Variants in FSTL5 observed in about 807,000 individuals in gnomAD.
The protein encoded by FSTL5 is follistatin like 5, also known as follistatin-related protein 5.
FSTL5 carries 62 observed loss-of-function variants against 89.1 expected under a neutral mutation model. That is an observed-to-expected ratio of 0.70 (90% CI 0.57 to 0.86). The LOEUF (loss-of-function observed/expected upper bound fraction) is 0.86. Among genes scored for constraint, FSTL5 ranks in the 40% least tolerant of loss-of-function variants. The pLI, the probability that FSTL5 is intolerant of heterozygous loss-of-function variation, is 0.00. For missense variants in FSTL5, 1,057 were observed against 1,001.6 expected, an observed-to-expected ratio of 1.06 and a Z score of -0.75; for synonymous variants, 383 against 346.2, an observed-to-expected ratio of 1.11 and a Z score of -1.18.
intron 10 of FSTL5, among the ~76,000 whole-genome samples, chr4:161,534,589 C>T (rs1025651685): frequency 5.3e-5 from 8 of 151,872 alleles, no homozygotes; most frequent in East Asian, 1.9e-4. Flanking sequence ...CACAAATGAA[C>T]GGAAAAGTAT....
At chr4:161,888,873 A>C (rs1250552051) in intron 4 of FSTL5, among the ~76,000 whole-genome samples, 1 of 152,096 alleles carries the variant, frequency 6.6e-6, no homozygotes, top group Non-Finnish European at 1.5e-5. Flanking sequence ...TTATTAAAGA[A>C]TTAACTCAGG....
At chr4:161,526,879 G>A (rs569749082) in intron 10 of FSTL5, among the ~76,000 whole-genome samples, 21 of 152,266 alleles carry the variant, frequency 1.4e-4, no homozygotes, top group African/African-American at 3.6e-4. Context: ...GTCAGGTATC[G>A]TGATGGCTCC....
At chr4:161,457,255 T>C (rs1046931851) in intron 14 of FSTL5, among the ~76,000 whole-genome samples, 1 of 152,194 alleles carries the variant, frequency 6.6e-6, no homozygotes, top group African/African-American at 2.4e-5. Context: ...CTTATGTAAA[T>C]AAATCTTCTT....
intron 3 of FSTL5, among the ~76,000 whole-genome samples, chr4:161,952,892 A>T (rs1479708359): frequency 6.6e-6 from 1 of 151,784 alleles, no homozygotes; most frequent in South Asian, 2.1e-4. Context: ...TAAAAACATA[A>T]AATTTATCAT....
At chr4:161,408,056 G>A (rs1417714375) in intron 15 of FSTL5, among the ~76,000 whole-genome samples, 1 of 152,156 alleles carries the variant, frequency 6.6e-6, no homozygotes, top group Non-Finnish European at 1.5e-5. Flanking sequence ...GAGTCACACA[G>A]GTTTGTGGGC....
At chr4:161,776,264 C>A (rs891090224) in intron 4 of FSTL5, among the ~76,000 whole-genome samples, 190 bp from the exon 5 acceptor site, 1 of 152,008 alleles carries the variant, frequency 6.6e-6, no homozygotes, top group Non-Finnish European at 1.5e-5. Flanking sequence ...AAACTTTTAT[C>A]TCTATCAAAT....
chr4:162,099,336 G>T (rs904428333), intron 2 of FSTL5, among the ~76,000 whole-genome samples: 5 of 152,034 alleles, frequency 3.3e-5, no homozygotes, highest in Non-Finnish European at 7.4e-5. Context: ...AATCCAATTT[G>T]AAATTATCAG....
At chr4:161,753,732 C>A (rs1441052589) in intron 6 of FSTL5, among the ~76,000 whole-genome samples, 2 of 152,062 alleles carry the variant, frequency 1.3e-5, no homozygotes, top group East Asian at 3.9e-4. Context: ...ATGTCATTAA[C>A]AAATCTATAT....
At chr4:161,729,740 C>T (rs949675927) in intron 6 of FSTL5, among the ~76,000 whole-genome samples, 3 of 152,162 alleles carry the variant, frequency 2.0e-5, no homozygotes, top group Non-Finnish European at 4.4e-5. Context: ...TCATTGACTT[C>T]CACAGGTGTT....
chr4:161,832,426 T>C (rs1730877318), intron 4 of FSTL5, among the ~76,000 whole-genome samples: 1 of 152,180 alleles, frequency 6.6e-6, no homozygotes, highest in Non-Finnish European at 1.5e-5. Flanking sequence ...CCTCTTTTTC[T>C]ATTGATTGGA....
At chr4:161,610,597 A>T (rs1236269368) in intron 7 of FSTL5, among the ~76,000 whole-genome samples, 2 of 152,124 alleles carry the variant, frequency 1.3e-5, no homozygotes, top group African/African-American at 4.8e-5. Flanking sequence ...GAAAGTGGGG[A>T]GCATCATTTC....
chr4:161,731,127 G>A (rs945817517), intron 6 of FSTL5, among the ~76,000 whole-genome samples: 4 of 152,124 alleles, frequency 2.6e-5, no homozygotes, highest in Non-Finnish European at 4.4e-5. Context: ...AAGTGATGTA[G>A]GCTAAACTGC....
At chr4:162,147,442 C>T (rs1413516916) in intron 1 of FSTL5, among the ~76,000 whole-genome samples, 4 of 152,118 alleles carry the variant, frequency 2.6e-5, no homozygotes, top group Non-Finnish European at 5.9e-5. Context: ...TTTAAATCTA[C>T]AATTGTTCTT....
At chr4:161,479,878 A>T (rs1729436420) in intron 13 of FSTL5, among the ~76,000 whole-genome samples, 1 of 152,222 alleles carries the variant, frequency 6.6e-6, no homozygotes, top group South Asian at 2.1e-4. Flanking sequence ...TGAAATAAGA[A>T]ACACAAAATA....
chr4:161,754,325 A>T (rs886090905), intron 6 of FSTL5, among the ~76,000 whole-genome samples: 1 of 152,122 alleles, frequency 6.6e-6, no homozygotes, highest in African/African-American at 2.4e-5. Context: ...ATTAATAGAA[A>T]TTTTTAAAAG....
Position 162,029,562 on chromosome 4 carries a change from G to A in FSTL5, c.160+4063C>T, listed in dbSNP as rs75457993. ...GATGAATCATATCAAGGGAGGTTAA[G>A]TCACTTCTCAAAGATAAGTAATTAG... On this transcript the variant is annotated intron_variant, in intron 3 of 15. Transcript: ENST00000306100. 5.1e-4 allele frequency among the ~76,000 whole-genome samples: 77 copies of A among 152,224 alleles called. 4 individuals carry two copies. In the East Asian group the frequency reaches 0.014, roughly 28 times the overall value.
At chr4:161,768,028 TATC>T (rs1741078627) in intron 5 of FSTL5, among the ~76,000 whole-genome samples, 1 of 152,166 alleles carries the variant, frequency 6.6e-6, no homozygotes, top group South Asian at 2.1e-4. Flanking sequence ...CACCCTATCT[TATC>T]ATGTACGTCT....
intron 8 of FSTL5, among the ~76,000 whole-genome samples, chr4:161,574,200 C>A (rs1733131154): frequency 6.6e-6 from 1 of 152,122 alleles, no homozygotes; most frequent in South Asian, 2.1e-4. Context: ...CAAGTCTCCC[C>A]TTTGCCATAT....
chr4:161,431,806 C>G (rs1008461463), intron 15 of FSTL5, among the ~76,000 whole-genome samples: 1 of 152,090 alleles, frequency 6.6e-6, no homozygotes, highest in African/African-American at 2.4e-5. Flanking sequence ...AATAAAAGAA[C>G]AGCAGTAGCT....
Sources: allele counts gnomAD v4.1 joint callset (sites outside exome capture counted in the v4.1 genomes callset), GRCh38; gene constraint gnomAD v4.1.1; transcripts MANE v1.5; gene names NCBI Gene and HGNC (gene_info 2026-07-23, HGNC 2026-07-21).